The following GRM8 variants were observed in gnomAD, a reference collection of about 807,000 sequenced individuals.
GRM8 encodes metabotropic glutamate receptor 8.
A neutral mutation model predicts 87.2 loss-of-function variants in GRM8; 47 were observed. The observed-to-expected ratio is 0.54, with a 90% CI of 0.43 to 0.69. The LOEUF (loss-of-function observed/expected upper bound fraction) is 0.69. Among genes scored for constraint, GRM8 ranks in the 30% least tolerant of loss-of-function variants. The pLI, the probability that GRM8 is intolerant of heterozygous loss-of-function variation, is 0.00. For missense variants in GRM8, 1,019 were observed against 1,139.2 expected (o/e 0.89, Z 1.52); for synonymous variants, 396 against 404.5 (o/e 0.98, Z 0.25).
intron 7 of GRM8, among the ~76,000 whole-genome samples, chr7:126,715,977 CTG>C (rs1811694209): frequency 6.6e-6 from 1 of 152,048 alleles, no homozygotes; most frequent in Non-Finnish European, 1.5e-5. Context: ...TAATTGAACT[CTG>C]TTCTCTAATT....
intron 6 of GRM8, among the ~76,000 whole-genome samples, chr7:126,827,508 C>A (rs1417673078): frequency 1.3e-5 from 2 of 152,058 alleles, no homozygotes; most frequent in East Asian, 3.9e-4. Flanking sequence ...TGATTTGGCT[C>A]TCTATTGGTC....
intron 7 of GRM8, among the ~76,000 whole-genome samples, chr7:126,746,464 C>T (rs1815697769): frequency 6.6e-6 from 1 of 151,484 alleles, no homozygotes; most frequent in Non-Finnish European, 1.5e-5. Flanking sequence ...TAACAGTACC[C>T]TAAAAGTTAA....
intron 3 of GRM8, among the ~76,000 whole-genome samples, chr7:126,968,426 C>G (rs1309473277): frequency 6.6e-6 from 1 of 152,080 alleles, no homozygotes; most frequent in East Asian, 1.9e-4. Flanking sequence ...TAAGGCCAAG[C>G]AACAGCCAAG....
intron 3 of GRM8, among the ~76,000 whole-genome samples, chr7:127,105,699 T>C (rs1825742099): frequency 6.6e-6 from 1 of 152,244 alleles, no homozygotes; most frequent in Non-Finnish European, 1.5e-5. Context: ...AATTCATTCA[T>C]TCTTAATAAG....
intron 2 of GRM8, among the ~76,000 whole-genome samples, chr7:127,197,889 T>C (rs778776597): frequency 1.4e-4 from 21 of 152,170 alleles, no homozygotes; most frequent in Non-Finnish European, 2.5e-4. Flanking sequence ...TGATAATACA[T>C]GTACACCCAG....
intron 8 of GRM8, among the ~76,000 whole-genome samples, chr7:126,586,289 T>C (rs1338549537): frequency 6.6e-6 from 1 of 152,184 alleles, no homozygotes. Flanking sequence ...GCCATCTCCA[T>C]CAAGCTACCA....
chr7:126,459,809 C>G (rs1584684340), intron 9 of GRM8, among the ~76,000 whole-genome samples: 3 of 151,374 alleles, frequency 2.0e-5, no homozygotes, highest in African/African-American at 2.4e-5. Flanking sequence ...AAAGGGAACT[C>G]TATCTGAAAG....
intron 7 of GRM8, among the ~76,000 whole-genome samples, chr7:126,623,718 G>T (rs994748733): frequency 6.6e-6 from 1 of 152,144 alleles, no homozygotes; most frequent in African/African-American, 2.4e-5. Context: ...TGGCTCAGTG[G>T]ATGCCAGATC....
intron 2 of GRM8, among the ~76,000 whole-genome samples, chr7:127,133,793 A>G (rs1446819983): frequency 6.6e-6 from 1 of 151,570 alleles, no homozygotes. Context: ...TTCTTTCTTA[A>G]TTCTCTATAA....
At chr7:126,988,933 C>T (rs1586685530) in intron 3 of GRM8, among the ~76,000 whole-genome samples, 2 of 152,278 alleles carry the variant, frequency 1.3e-5, no homozygotes, top group East Asian at 3.9e-4. Flanking sequence ...AGATCACAAG[C>T]TCCTGAGAAT....
At chr7:127,018,369 A>G (rs1815901270) in intron 3 of GRM8, among the ~76,000 whole-genome samples, 1 of 150,224 alleles carries the variant, frequency 6.7e-6, no homozygotes, top group South Asian at 2.1e-4. Context: ...AGAGGAAAAC[A>G]CACAATGGAG....
chr7:126,674,625 T>C (rs1490657624), intron 7 of GRM8, among the ~76,000 whole-genome samples: 2 of 151,732 alleles, frequency 1.3e-5, no homozygotes, highest in Non-Finnish European at 2.9e-5. Flanking sequence ...ATGAAATAAG[T>C]ATAATAAAGG....
intron 8 of GRM8, among the ~76,000 whole-genome samples, chr7:126,560,741 TAAAC>T (rs1481870886): frequency 6.6e-6 from 1 of 152,188 alleles, no homozygotes; most frequent in Admixed American, 6.5e-5. Flanking sequence ...AAGAAATAAT[TAAAC>T]AATTCTGAAG....
Position 127,106,513 on chromosome 7 carries a change from T to A in GRM8, c.710A>T (p.Gln237Leu), listed in dbSNP as rs1825816668. The A allele has an allele frequency of 6.2e-7, 1 of 1,613,048 alleles. No individual in the cohort carries two copies. The highest frequency in any genetic ancestry group is 1.7e-5 in the Admixed American group (1 of 59,976). ...ATGCTTACCAATCTCCCTCGAGATC[T>A]GGGTGAAGGCCTCCACACCGCTCTC... ...YGESGVEAFT[Q>L]ISREIGGVCI... Residue 237 changes from glutamine (Q) to leucine (L), a missense_variant, in exon 3 of 11, where the codon CAG (glutamine) becomes CTG (leucine). Physicochemically the swap from Gln to Leu is moderately radical, Grantham distance 113. Coordinates refer to ENST00000339582, the MANE Select transcript of GRM8 (RefSeq NM_000845.3).
chr7:126,748,115 T>G (rs770499130), intron 7 of GRM8, among the ~76,000 whole-genome samples: 6 of 152,062 alleles, frequency 3.9e-5, no homozygotes, highest in Non-Finnish European at 7.4e-5. Context: ...TGTCTTAGTT[T>G]GTGTTTTTCC....
chr7:126,890,442 A>G (rs2131077867), intron 6 of GRM8, among the ~76,000 whole-genome samples: 1 of 152,198 alleles, frequency 6.6e-6, no homozygotes, highest in Non-Finnish European at 1.5e-5. Context: ...CATATCTACA[A>G]GAAAAGCCTG....
At chr7:126,562,091 C>T (rs1238888305) in intron 8 of GRM8, among the ~76,000 whole-genome samples, 2 of 151,458 alleles carry the variant, frequency 1.3e-5, no homozygotes, top group South Asian at 4.2e-4. Flanking sequence ...TCCCCTATAC[C>T]CTGATATCTG....
chr7:126,582,621 T>G (rs1795716298), intron 8 of GRM8, among the ~76,000 whole-genome samples: 2 of 152,202 alleles, frequency 1.3e-5, no homozygotes, highest in Admixed American at 6.6e-5. Flanking sequence ...AGTCAATGCC[T>G]GGCTTCAAGC....
intron 7 of GRM8, among the ~76,000 whole-genome samples, chr7:126,624,003 T>C (rs949235082): frequency 1.3e-5 from 2 of 152,180 alleles, no homozygotes; most frequent in African/African-American, 4.8e-5. Flanking sequence ...TCAGAACGTA[T>C]CTAGAATTTG....
Sources: allele counts gnomAD v4.1 joint callset (sites outside exome capture counted in the v4.1 genomes callset), GRCh38; gene constraint gnomAD v4.1.1; transcripts MANE v1.5; gene names NCBI Gene and HGNC (gene_info 2026-07-23, HGNC 2026-07-21).